Variants in LRFN2 observed in about 807,000 individuals in gnomAD.
The protein encoded by LRFN2 is leucine rich repeat and fibronectin type III domain containing 2, also known as leucine-rich repeat and fibronectin type-III domain-containing protein 2.
In LRFN2, 18 loss-of-function variants were observed where a neutral mutation model predicts 37.3. The observed-to-expected ratio is 0.48, with a 90% confidence interval of 0.33 to 0.72. The LOEUF (loss-of-function observed/expected upper bound fraction) is 0.72, where lower values mean the gene tolerates loss of function less well. Among genes scored for constraint, LRFN2 ranks in the 30% least tolerant of loss-of-function variants. LRFN2 has a pLI of 0.02. For synonymous variants in LRFN2, 556 were observed against 466.6 expected (o/e 1.19, Z -2.47); for missense variants, 1,006 against 1,060.7 (o/e 0.95, Z 0.72).
intron 1 of LRFN2, among the ~76,000 whole-genome samples, chr6:40,454,611 G>A (rs1764196349): frequency 6.6e-6 from 1 of 152,072 alleles, no homozygotes; most frequent in African/African-American, 2.4e-5. Context: ...CCCCTACCTA[G>A]GCCCTCCCCT....
intron 1 of LRFN2, among the ~76,000 whole-genome samples, chr6:40,556,142 G>A (rs944516821): frequency 3.3e-5 from 5 of 152,196 alleles, no homozygotes; most frequent in Admixed American, 3.3e-4. Flanking sequence ...TCTGGCAGGT[G>A]TAGAATTGGC....
Position 40,431,954 on chromosome 6 carries a change from C to G in LRFN2, c.1160G>C (p.Ser387Thr), listed in dbSNP as rs200220496. ...GCGGGACTTGGGGGGTGCAGTGCGG[C>G]TGGTGCTGTTGCTGAGGTGTGGCAG... ...VQLPHLSNSTSRTAPPKSRLS... is the reference protein window; with the variant it reads ...VQLPHLSNSTTRTAPPKSRLS... Residue 387 changes from serine to threonine, a missense_variant, in exon 2 of 3, where the codon AGC (serine) becomes ACC (threonine). Ser to Thr is a moderately conservative substitution (Grantham distance 58). Around this residue, in one of 4 missense-constraint regions of LRFN2, gnomAD observed 303 missense variants for 299.8 expected, o/e 1.01. Coordinates refer to ENST00000338305, the MANE Select transcript of LRFN2 (RefSeq NM_020737.3). 3.1e-6 allele frequency: 5 copies of G among 1,613,626 alleles called. No homozygotes were observed. The highest frequency in any genetic ancestry group is 3.4e-6 in the Non-Finnish European group (4 of 1,180,008).
intron 1 of LRFN2, among the ~76,000 whole-genome samples, chr6:40,465,674 A>G (rs998315922): frequency 1.4e-4 from 21 of 152,182 alleles, no homozygotes; most frequent in Admixed American, 1.2e-3. Flanking sequence ...CTGATACCTG[A>G]CAGCTTCAGG....
At chr6:40,406,627 A>T (rs1302731885) in intron 2 of LRFN2, among the ~76,000 whole-genome samples, 5 of 152,190 alleles carry the variant, frequency 3.3e-5, no homozygotes, top group Admixed American at 2.6e-4. Flanking sequence ...CATGCCAGGC[A>T]GTCATCCTAG....
intron 1 of LRFN2, among the ~76,000 whole-genome samples, chr6:40,559,957 G>A (rs1027753628): frequency 1.3e-5 from 2 of 152,114 alleles, no homozygotes; most frequent in Non-Finnish European, 2.9e-5. Flanking sequence ...CCCTCCCCAT[G>A]CCAAGGCGAG....
At chr6:40,439,824 C>T (rs1195460958) in intron 1 of LRFN2, among the ~76,000 whole-genome samples, 7 of 152,146 alleles carry the variant, frequency 4.6e-5, no homozygotes, top group Non-Finnish European at 1.0e-4. Context: ...CCAGAGAGAT[C>T]CCACTCTGAC....
rs112476329 is a variant in LRFN2 at position 40,434,482 on chromosome 6, C to CT, written c.-18-1352dup. Among the ~76,000 whole-genome samples the CT allele has an allele frequency of 5.0e-3, 706 of 141,590 alleles. 5 individuals are homozygous for CT. Among genetic ancestry groups the CT allele is most frequent in the Middle Eastern group, 7.2e-3 (2 of 276 alleles). The allele number at this position is 141,590 out of a possible 152,430, so 92.9% of individuals were successfully genotyped here. ...CATTTCTCAAATTGCCTTTTTTTTT[C>CT]TTTTTTTTTTTTTTGAGACGGAGTC... On this transcript the variant is annotated intron_variant, in intron 1 of 2. Transcript: ENST00000338305.
At chr6:40,490,980 A>G (rs1765079244) in intron 1 of LRFN2, among the ~76,000 whole-genome samples, 1 of 152,184 alleles carries the variant, frequency 6.6e-6, no homozygotes, top group African/African-American at 2.4e-5. Context: ...CATGGTGTGC[A>G]GGAGGGACAG....
intron 1 of LRFN2, among the ~76,000 whole-genome samples, chr6:40,504,824 T>C (rs1010542080): frequency 6.6e-6 from 1 of 152,196 alleles, no homozygotes; most frequent in African/African-American, 2.4e-5. Flanking sequence ...GTTTCACATG[T>C]GTGTGCGAGT....
At chr6:40,424,566 C>T (rs904323732) in intron 2 of LRFN2, among the ~76,000 whole-genome samples, 2 of 149,524 alleles carry the variant, frequency 1.3e-5, no homozygotes, top group East Asian at 3.9e-4. Context: ...TTGTAGATGT[C>T]ATGTTTCAAC....
At chr6:40,401,691 G>A (rs1003523121) in intron 2 of LRFN2, among the ~76,000 whole-genome samples, 3 of 152,172 alleles carry the variant, frequency 2.0e-5, no homozygotes, top group African/African-American at 7.2e-5. Context: ...GTTTGTGTAA[G>A]AGGAAGACAT....
chr6:40,513,052 T>C (rs1581765542), intron 1 of LRFN2, among the ~76,000 whole-genome samples: 1 of 152,152 alleles, frequency 6.6e-6, no homozygotes, highest in East Asian at 1.9e-4. Flanking sequence ...GGCTGGGGCT[T>C]GTCAACTGCT....
chr6:40,490,453 C>T (rs1440934132), intron 1 of LRFN2, among the ~76,000 whole-genome samples: 2 of 152,150 alleles, frequency 1.3e-5, no homozygotes, highest in Non-Finnish European at 2.9e-5. Context: ...CCCTCAGAGC[C>T]CTGTGGCCCC....
chr6:40,468,832 G>A (rs2113855357), intron 1 of LRFN2, among the ~76,000 whole-genome samples: 1 of 152,228 alleles, frequency 6.6e-6, no homozygotes, highest in South Asian at 2.1e-4. Context: ...TTTGTAAAAT[G>A]GGAATCATGT....
At chr6:40,446,411 C>T (rs1257564075) in intron 1 of LRFN2, among the ~76,000 whole-genome samples, 3 of 152,228 alleles carry the variant, frequency 2.0e-5, no homozygotes, top group African/African-American at 7.2e-5. Flanking sequence ...GAAAGGATCT[C>T]CCCCTTCCCT....
intron 1 of LRFN2, among the ~76,000 whole-genome samples, chr6:40,443,344 G>T (rs1324564852): frequency 6.6e-6 from 1 of 152,204 alleles, no homozygotes; most frequent in Non-Finnish European, 1.5e-5. Flanking sequence ...ATAGGGAAAA[G>T]GCCCATCTGG....
chr6:40,556,328 G>GGCCCC (rs1766877143), intron 1 of LRFN2, among the ~76,000 whole-genome samples: 1 of 152,204 alleles, frequency 6.6e-6, no homozygotes, highest in Non-Finnish European at 1.5e-5. Flanking sequence ...CACCCTGACA[G>GGCCCC]GCCCCTCTTG....
chr6:40,391,800 G>C lies in LRFN2; in HGVS notation c.*143C>G, dbSNP rs1241079375. 3.7e-6 allele frequency: 3 copies of C among 805,114 alleles called. No individual in the cohort carries two copies. The highest frequency in any genetic ancestry group is 2.5e-5 in the South Asian group (1 of 39,668). The allele number at this position is 805,114 out of a possible 1,614,324, so 49.9% of individuals were successfully genotyped here. On this transcript the variant is annotated 3_prime_UTR_variant, in exon 3 of 3. Coordinates refer to ENST00000338305, the MANE Select transcript of LRFN2 (RefSeq NM_020737.3). The stretch of plus-strand genomic sequence containing the variant: ...AGGTGATGTGGGTGTTGCGGGGTAG[G>C]GGGGGACACGAGGCCATTGACAGGG...
intron 1 of LRFN2, among the ~76,000 whole-genome samples, chr6:40,575,576 C>T (rs1050164687): frequency 3.3e-5 from 5 of 152,144 alleles, no homozygotes; most frequent in East Asian, 1.9e-4. Flanking sequence ...GGCCCCTTGC[C>T]CTGGGGACAT....
Sources: gnomAD v4.1 joint callset for allele counts (sites outside exome capture counted in the v4.1 genomes callset) on GRCh38, gnomAD v4.1.1 for gene constraint, gnomAD v4.1.1 regional missense constraint, MANE v1.5 for transcripts, NCBI Gene and HGNC (gene_info 2026-07-23, HGNC 2026-07-21) for gene names.